The following ZSWIM7 variants were observed in gnomAD, a reference collection of about 807,000 sequenced individuals.
The protein encoded by ZSWIM7 is zinc finger SWIM domain-containing protein 7.
Under a neutral mutation model 21.1 loss-of-function variants are expected in ZSWIM7, and 22 were observed. The observed-to-expected ratio is 1.04, with a 90% confidence interval of 0.74 to 1.49. ZSWIM7 has a LOEUF of 1.49. Ranked by LOEUF, ZSWIM7 falls within the 40% of genes most tolerant of loss-of-function variation. The probability of loss-of-function intolerance (pLI) is 0.00; values close to 1 mark genes in which losing one functional copy is unlikely to be tolerated. For synonymous variants in ZSWIM7, 67 were observed against 66.5 expected, an observed-to-expected ratio of 1.01 and a Z score of -0.04; for missense variants, 193 against 168.0, an observed-to-expected ratio of 1.15 and a Z score of -0.82.
At chr17:15,997,993 T>C (rs2151634328) in intron 1 of ZSWIM7, among the ~76,000 whole-genome samples, 1 of 152,084 alleles carries the variant, frequency 6.6e-6, no homozygotes, top group East Asian at 1.9e-4. Context: ...CACAGCTACT[T>C]GGGAGGCTGA....
chr17:15,991,966 A>C (rs1167794730), intron 2 of ZSWIM7, among the ~76,000 whole-genome samples: 1 of 145,272 alleles, frequency 6.9e-6, no homozygotes, highest in Non-Finnish European at 1.5e-5. Flanking sequence ...TGCCTCTGTC[A>C]CCCAGGCTGG....
At chr17:15,986,616 T>A (rs1970414372) in intron 3 of ZSWIM7, among the ~76,000 whole-genome samples, 1 of 151,154 alleles carries the variant, frequency 6.6e-6, no homozygotes, top group South Asian at 2.1e-4. Context: ...AAAAAAAAAG[T>A]TGAACTCATA....
intron 1 of ZSWIM7, 162 bp downstream of exon 1, chr17:15,999,357 T>G: frequency 1.0e-6 from 1 of 969,754 alleles, no homozygotes; most frequent in Non-Finnish European, 1.5e-6. Flanking sequence ...GCTTTTTTGT[T>G]GTTTTGTTTT....
intron 3 of ZSWIM7, among the ~76,000 whole-genome samples, chr17:15,985,165 G>A (rs1011621233): frequency 6.6e-6 from 1 of 152,098 alleles, no homozygotes; most frequent in Non-Finnish European, 1.5e-5. Flanking sequence ...CTAGCCAGGC[G>A]TGGTGGTACA....
chr17:15,979,485 C>T lies in ZSWIM7; in HGVS notation c.307-1322G>A, dbSNP rs1039120872. Reference sequence around the variant, plus strand: ...AAACCGCCATTGTCATCATGGCCCGCTCTCAATGAGCTGTTGGGTACACCT... The same window carrying T: ...AAACCGCCATTGTCATCATGGCCCGTTCTCAATGAGCTGTTGGGTACACCT... On this transcript the variant is annotated intron_variant, in intron 4 of 4. Transcript: ENST00000399277. Among the ~76,000 whole-genome samples, 1,090 of 152,148 alleles carry T rather than the reference C, an allele frequency of 7.2e-3. 10 individuals carry two copies. The highest frequency in any genetic ancestry group is 0.011 in the Non-Finnish European group (766 of 67,984).
chr17:15,989,888 G>A (rs772951437), intron 2 of ZSWIM7, among the ~76,000 whole-genome samples: 87 of 152,162 alleles, frequency 5.7e-4, no homozygotes, highest in Admixed American at 4.6e-4. Flanking sequence ...TATTACAGGC[G>A]TGATCCACCA....
intron 2 of ZSWIM7, among the ~76,000 whole-genome samples, chr17:15,990,439 A>T (rs957220043): frequency 6.6e-6 from 1 of 151,886 alleles, no homozygotes; most frequent in African/African-American, 2.4e-5. Flanking sequence ...TCCACCTCCC[A>T]GATTCAAGTG....
rs1421131155 is a variant in ZSWIM7, at chr17:15,999,660, C to G, written c.-66G>C. The G allele has an allele frequency of 1.9e-6, 3 of 1,563,688 alleles. No individual in the cohort carries two copies. Among genetic ancestry groups the G allele is most frequent in the African/African-American group, 2.7e-5 (2 of 73,620 alleles). ...CGACGCTCCAGCTGACTGCGCCTAC[C>G]TGTGGAGGATCCTGACCCCCCGCCG... On this transcript the variant is annotated 5_prime_UTR_variant, in exon 1 of 5. Transcript: ENST00000399277.
At chr17:15,987,609 A>T (rs932425143) in intron 2 of ZSWIM7, among the ~76,000 whole-genome samples, 1 of 151,408 alleles carries the variant, frequency 6.6e-6, no homozygotes, top group Admixed American at 6.6e-5. Flanking sequence ...ATATTTATTT[A>T]TTATTATTAT....
At position 15,977,936 on chromosome 17, in the gene ZSWIM7, C is replaced by T. The variant is rs778645534; in HGVS notation, c.*111G>A. 6 of 897,636 alleles carry T rather than the reference C, an allele frequency of 6.7e-6. No individual in the cohort carries two copies. Among genetic ancestry groups the T allele is most frequent in the Non-Finnish European group, 1.1e-5 (6 of 560,120 alleles). 55.6% of individuals were successfully genotyped at this position (897,636 alleles called of 1,614,324 possible). A position where few individuals can be genotyped will look rare whatever the true frequency, so the allele number is the denominator to read the frequency against. On this transcript the variant is annotated 3_prime_UTR_variant, in exon 5 of 5. Transcript: ENST00000399277. ...GTCCTGGAGGGAAAAGGGACAGTAA[C>T]ATGAAGTGTCTGAAGATCCATTTCA...
intron 4 of ZSWIM7, among the ~76,000 whole-genome samples, chr17:15,979,518 G>A (rs868276794): frequency 1.6e-4 from 25 of 152,234 alleles, no homozygotes; most frequent in African/African-American, 4.8e-4. Flanking sequence ...CCTCCCAGAC[G>A]GGGTGGTGGC....
chr17:15,987,197 C>T, intron 3 of ZSWIM7, 69 bp downstream of exon 3: 1 of 1,309,868 alleles, frequency 7.6e-7, no homozygotes, highest in East Asian at 2.4e-5. Context: ...TCAACAGCTT[C>T]TACAGAGATG....
At chr17:15,990,378 CTG>C (rs1428118775) in intron 2 of ZSWIM7, among the ~76,000 whole-genome samples, 1 of 151,748 alleles carries the variant, frequency 6.6e-6, no homozygotes, top group African/African-American at 2.4e-5. Flanking sequence ...TGGAGTCTCA[CTG>C]TGTTGCCCAG....
chr17:15,981,317 C>T (rs55676330), intron 3 of ZSWIM7, among the ~76,000 whole-genome samples, 173 bp from the exon 4 acceptor site: 70,619 of 151,904 alleles, frequency 0.46, 17,206 homozygotes, highest in Middle Eastern at 0.59. Flanking sequence ...ACAGACTCTC[C>T]CTTCCTCACC....
rs1366132715 is a variant in ZSWIM7, at chr17:15,976,791, G to C, written c.*1256C>G. 1 of 152,142 alleles carries C rather than the reference G, an allele frequency of 6.6e-6. No individual in the cohort carries two copies. Among genetic ancestry groups the C allele is most frequent in the Non-Finnish European group, 1.5e-5 (1 of 68,032 alleles). 9.4% of individuals were successfully genotyped at this position (152,142 alleles called of 1,614,324 possible). A position where few individuals can be genotyped will look rare whatever the true frequency, so the allele number is the denominator to read the frequency against. On this transcript the variant is annotated 3_prime_UTR_variant, in exon 5 of 5. Transcript: ENST00000399277. ...CTTCAACTCCTTCTGCAGTATCCCT[G>C]CAACAATATTACATGCTTATGAAAT... is the stretch of plus-strand genomic sequence containing the variant.
intron 3 of ZSWIM7, among the ~76,000 whole-genome samples, chr17:15,983,981 TAAGC>T (rs1427733356): frequency 1.3e-5 from 2 of 152,138 alleles, no homozygotes; most frequent in Non-Finnish European, 2.9e-5. Flanking sequence ...GATTTAAACT[TAAGC>T]AAGCAGAAGC....
At chr17:15,981,018 G>C (rs755262675) in intron 4 of ZSWIM7, 22 bp downstream of exon 4, 2 of 1,581,106 alleles carry the variant, frequency 1.3e-6, no homozygotes, top group South Asian at 1.1e-5. Flanking sequence ...ACTACAGTGG[G>C]AAGAGTCTTC....
chr17:15,977,816 C>T lies in ZSWIM7; in HGVS notation c.*231G>A. On this transcript the variant is annotated 3_prime_UTR_variant, in exon 5 of 5. Coordinates refer to ENST00000399277, the MANE Select transcript of ZSWIM7 (RefSeq NM_001042697.2). ...ATTTTTTACCGAAGCGTCTCAGAGA[C>T]TGGCTCAGGGTATTTCTTGACAAGA... 2.6e-6 allele frequency: 1 copy of T among 388,346 alleles called. No homozygotes were observed. Among genetic ancestry groups the T allele is most frequent in the Non-Finnish European group, 4.7e-6 (1 of 212,170 alleles). The allele number at this position is 388,346 out of a possible 1,614,324, so 24.1% of individuals were successfully genotyped here.
At chr17:15,992,912 C>T (rs906253450) in intron 2 of ZSWIM7, among the ~76,000 whole-genome samples, 14 of 151,572 alleles carry the variant, frequency 9.2e-5, no homozygotes, top group Non-Finnish European at 2.1e-4. Context: ...GAATTTTGCT[C>T]GTTACTTAGG....
Sources: allele counts gnomAD v4.1 joint callset (sites outside exome capture counted in the v4.1 genomes callset), GRCh38; gene constraint gnomAD v4.1.1; transcripts MANE v1.5; gene names NCBI Gene and HGNC (gene_info 2026-07-23, HGNC 2026-07-21).